The following PARN variants were observed in gnomAD, a reference collection of about 807,000 sequenced individuals.
The protein encoded by PARN is poly(A)-specific ribonuclease.
Under a neutral mutation model 102.8 loss-of-function variants are expected in PARN, and 71 were observed. That is an observed-to-expected ratio of 0.69 (90% CI 0.57 to 0.84). PARN has a LOEUF of 0.84. Ranked by LOEUF, PARN falls within the 40% of genes least tolerant of loss-of-function variation. PARN has a pLI of 0.00. For missense variants in PARN, 782 were observed against 760.9 expected (o/e 1.03, Z -0.33); for synonymous variants, 261 against 252.9 (o/e 1.03, Z -0.30).
At chr16:14,464,471 T>C (rs188507176) in intron 22 of PARN, among the ~76,000 whole-genome samples, 2 of 152,220 alleles carry the variant, frequency 1.3e-5, no homozygotes, top group Admixed American at 1.3e-4. Flanking sequence ...AAAATGAAGG[T>C]GAGGCCAGGT....
rs1480757830 is a variant in PARN, at chr16:14,443,457, C to T, written c.1864+3431G>A. ...CCTGGTTCAAGCGATTCTCCTGCCT[C>T]AGCCTCCCAAGTAGCTGGGATTACA... On this transcript the variant is annotated intron_variant, in intron 23 of 23. Transcript: ENST00000437198. 2.6e-5 allele frequency among the ~76,000 whole-genome samples: 4 copies of T among 151,898 alleles called. No individual in the cohort carries two copies. In the South Asian group the frequency reaches 6.2e-4, roughly 24 times the overall value.
chr16:14,511,703 G>A (rs759713384), intron 21 of PARN, among the ~76,000 whole-genome samples: 13 of 152,074 alleles, frequency 8.5e-5, no homozygotes, highest in Non-Finnish European at 1.6e-4. Context: ...GTTATGTTAT[G>A]TTATGTTATA....
chr16:14,508,481 T>C (rs1037518522), intron 21 of PARN, among the ~76,000 whole-genome samples: 1 of 152,190 alleles, frequency 6.6e-6, no homozygotes, highest in Admixed American at 6.6e-5. Flanking sequence ...TTTGTTATTA[T>C]AGTGACCTGA....
intron 23 of PARN, among the ~76,000 whole-genome samples, chr16:14,439,831 T>C (rs1394865989): frequency 6.6e-6 from 1 of 151,970 alleles, no homozygotes; most frequent in East Asian, 1.9e-4. Flanking sequence ...CTGGCCAACA[T>C]GGTAAAACCC....
intron 22 of PARN, among the ~76,000 whole-genome samples, chr16:14,459,411 T>C (rs950312807): frequency 6.6e-6 from 1 of 152,228 alleles, no homozygotes; most frequent in Non-Finnish European, 1.5e-5. Context: ...TAAAAATATA[T>C]GACTTACAAT....
At chr16:14,484,948 G>A (rs1367344698) in intron 21 of PARN, among the ~76,000 whole-genome samples, 2 of 152,146 alleles carry the variant, frequency 1.3e-5, no homozygotes, top group African/African-American at 4.8e-5. Context: ...GCAGGGCACA[G>A]TGGCTCACAC....
At chr16:14,602,204 A>G (rs1350952392) in intron 11 of PARN, 3 of 152,042 alleles carry the variant, frequency 2.0e-5, no homozygotes, top group African/African-American at 4.8e-5. Context: ...TAACCCCTAC[A>G]TGGGAGCTGA....
chr16:14,565,927 G>A (rs1383702175), intron 18 of PARN, among the ~76,000 whole-genome samples: 1 of 152,184 alleles, frequency 6.6e-6, no homozygotes, highest in Non-Finnish European at 1.5e-5. Context: ...CAATCGATAA[G>A]CTATTTGATA....
At position 14,627,202 on chromosome 16, in the gene PARN, A is replaced by C. The variant is rs1235997685; in HGVS notation, c.246-15T>G. 8 of 1,583,800 alleles carry C rather than the reference A, an allele frequency of 5.1e-6. No individual in the cohort carries two copies. The highest frequency in any genetic ancestry group is 1.3e-5 in the African/African-American group (1 of 74,572). On this transcript the variant is annotated splice_polypyrimidine_tract_variant and intron_variant, in intron 4 of 23. Coordinates refer to ENST00000437198, the MANE Select transcript of PARN (RefSeq NM_002582.4). Reference sequence around the variant, plus strand: ...TCGTTATATACCTGGGATAAGATAAAAGGAGACTTAGGAGGTGACATTGTG... The same window carrying C: ...TCGTTATATACCTGGGATAAGATAACAGGAGACTTAGGAGGTGACATTGTG...
intron 18 of PARN, among the ~76,000 whole-genome samples, chr16:14,575,152 G>C (rs1310261575): frequency 6.6e-6 from 1 of 152,202 alleles, no homozygotes; most frequent in South Asian, 2.1e-4. Flanking sequence ...CTTCTGCTAG[G>C]GCAGTGCAGA....
intron 21 of PARN, among the ~76,000 whole-genome samples, chr16:14,500,442 C>G (rs1386631932): frequency 2.0e-5 from 3 of 152,076 alleles, no homozygotes; most frequent in Non-Finnish European, 4.4e-5. Context: ...GTTACCCAGG[C>G]TGGAGTGCAG....
intron 17 of PARN, 37 bp from the exon 18 acceptor site, chr16:14,580,980 G>C (rs745587120): frequency 1.4e-5 from 18 of 1,313,368 alleles, no homozygotes; most frequent in Middle Eastern, 3.7e-4. Context: ...ATTATTCATA[G>C]TCACATAGAC....
chr16:14,457,926 G>A (rs1354298940), intron 22 of PARN, among the ~76,000 whole-genome samples: 1 of 150,678 alleles, frequency 6.6e-6, no homozygotes, highest in Admixed American at 6.7e-5. Context: ...GGGGGTGTGT[G>A]TGTGGGTGTG....
intron 22 of PARN, among the ~76,000 whole-genome samples, chr16:14,461,561 G>A (rs757737462): frequency 6.6e-6 from 1 of 152,172 alleles, no homozygotes; most frequent in Non-Finnish European, 1.5e-5. Flanking sequence ...CTTCTTCTGG[G>A]ACATCTTCAT....
intron 5 of PARN, among the ~76,000 whole-genome samples, chr16:14,625,468 G>C (rs886145330): frequency 6.6e-6 from 1 of 152,064 alleles, no homozygotes; most frequent in African/African-American, 2.4e-5. Flanking sequence ...TCACACTCTA[G>C]CCTGGACAAG....
chr16:14,572,390 C>A (rs1480437361), intron 18 of PARN, among the ~76,000 whole-genome samples: 1 of 151,920 alleles, frequency 6.6e-6, no homozygotes, highest in Non-Finnish European at 1.5e-5. Flanking sequence ...GGGAAGAAAT[C>A]TTTAATTCTT....
chr16:14,443,710 T>C (rs1961059529), intron 23 of PARN, among the ~76,000 whole-genome samples: 1 of 152,216 alleles, frequency 6.6e-6, no homozygotes, highest in South Asian at 2.1e-4. Context: ...TGCTACAACA[T>C]AGGATATTCC....
At chr16:14,510,241 G>A (rs1306046835) in intron 21 of PARN, among the ~76,000 whole-genome samples, 4 of 152,198 alleles carry the variant, frequency 2.6e-5, no homozygotes, top group African/African-American at 9.7e-5. Flanking sequence ...AAAGCATGGG[G>A]TGATTAGTTT....
chr16:14,568,222 T>C (rs1437254135), intron 18 of PARN, among the ~76,000 whole-genome samples: 1 of 150,822 alleles, frequency 6.6e-6, no homozygotes, highest in East Asian at 1.9e-4. Context: ...ACCTTTTTTT[T>C]TTTTTTTTGA....
Sources: allele counts gnomAD v4.1 joint callset (sites outside exome capture counted in the v4.1 genomes callset), GRCh38; gene constraint gnomAD v4.1.1; transcripts MANE v1.5; gene names NCBI Gene and HGNC (gene_info 2026-07-23, HGNC 2026-07-21).